FER: variants seen among roughly 807,000 people sequenced by gnomAD.
The protein encoded by FER is tyrosine-protein kinase Fer.
FER carries 63 observed loss-of-function variants against 111.0 expected under a neutral mutation model. That is an observed-to-expected ratio of 0.57 (90% CI 0.46 to 0.70). FER has a LOEUF of 0.70. Among genes scored for constraint, FER ranks in the 30% least tolerant of loss-of-function variants. The probability of loss-of-function intolerance (pLI) is 0.00; values close to 1 mark genes in which losing one functional copy is unlikely to be tolerated. For synonymous variants in FER, 327 were observed against 313.9 expected (o/e 1.04, Z -0.44); for missense variants, 914 against 954.0 (o/e 0.96, Z 0.55).
At chr5:109,057,610 C>T (rs1227831532) in intron 16 of FER, among the ~76,000 whole-genome samples, 7 of 152,116 alleles carry the variant, frequency 4.6e-5, no homozygotes, top group African/African-American at 9.7e-5. Flanking sequence ...CTCAGCCTCC[C>T]GGAATTTGGT....
intron 17 of FER, among the ~76,000 whole-genome samples, chr5:109,113,199 G>A (rs983458352): frequency 3.3e-5 from 5 of 152,066 alleles, no homozygotes; most frequent in Admixed American, 6.6e-5. Context: ...ATATGAGGAG[G>A]GCTTGTTAAG....
intron 18 of FER, among the ~76,000 whole-genome samples, chr5:109,185,481 A>G (rs1169247353): frequency 1.3e-5 from 2 of 152,230 alleles, no homozygotes; most frequent in Non-Finnish European, 2.9e-5. Flanking sequence ...AAAGAAAACG[A>G]AGTAGGCGTA....
intron 8 of FER, among the ~76,000 whole-genome samples, chr5:108,875,793 A>C (rs971847552): frequency 1.3e-5 from 2 of 152,140 alleles, no homozygotes; most frequent in Non-Finnish European, 2.9e-5. Context: ...AGAAATTTTG[A>C]TTAATTTTAA....
intron 13 of FER, among the ~76,000 whole-genome samples, chr5:108,993,421 C>G (rs1222198982): frequency 6.6e-6 from 1 of 152,114 alleles, no homozygotes; most frequent in Non-Finnish European, 1.5e-5. Flanking sequence ...CGCCTGCAAT[C>G]GCAGGCACTC....
chr5:108,969,297 G>A (rs1760311507), intron 13 of FER, among the ~76,000 whole-genome samples: 1 of 152,232 alleles, frequency 6.6e-6, no homozygotes, highest in African/African-American at 2.4e-5. Context: ...ACCATTAGGG[G>A]CTAGTTAAAT....
intron 17 of FER, among the ~76,000 whole-genome samples, chr5:109,118,918 G>A (rs570747947): frequency 7.3e-5 from 11 of 150,320 alleles, no homozygotes; most frequent in South Asian, 2.1e-4. Flanking sequence ...TCTTGCTAGC[G>A]GTCTATCAAT....
In FER at chr5:108,900,824, T is replaced by C. The variant is rs539533627; in HGVS notation, c.1236+2976T>C. ...GGTTGGGGTTGTATAGTCAAGTTCT[T>C]AGTGTTTGATGTTTATTTTGTCTTA... On this transcript the variant is annotated intron_variant, in intron 10 of 19. Transcript: ENST00000281092. 3.3e-5 allele frequency among the ~76,000 whole-genome samples: 5 copies of C among 152,300 alleles called. No individual in the cohort carries two copies. The East Asian group carries it at 9.6e-4, about 29-fold the overall frequency.
At chr5:109,051,715 G>C (rs570190184) in intron 16 of FER, 1 of 1,565,674 alleles carries the variant, frequency 6.4e-7, no homozygotes. Flanking sequence ...GCCAGTGGTC[G>C]CATGGTAAGG....
intron 10 of FER, among the ~76,000 whole-genome samples, chr5:108,914,993 A>T (rs1462826710): frequency 6.6e-6 from 1 of 152,210 alleles, no homozygotes; most frequent in Admixed American, 6.5e-5. Flanking sequence ...TGGGTTAGGC[A>T]TGTAACTTGG....
intron 16 of FER, among the ~76,000 whole-genome samples, chr5:109,059,382 G>A (rs1010262331): frequency 6.7e-6 from 1 of 149,822 alleles, no homozygotes; most frequent in Admixed American, 6.6e-5. Flanking sequence ...AAAAAAATTA[G>A]CTGGGTGTGG....
chr5:108,939,201 T>C (rs1337877574), intron 10 of FER, among the ~76,000 whole-genome samples: 2 of 113,542 alleles, frequency 1.8e-5, no homozygotes, highest in Non-Finnish European at 4.0e-5. Flanking sequence ...GTGTTTAGTT[T>C]ATAAAGAATT....
chr5:108,783,622 C>A (rs1007236376), intron 2 of FER, among the ~76,000 whole-genome samples: 1 of 152,154 alleles, frequency 6.6e-6, no homozygotes, highest in Non-Finnish European at 1.5e-5. Flanking sequence ...GTTTATCATG[C>A]AGGTCTTAGC....
chr5:109,056,945 T>G lies in FER; in HGVS notation c.1924+9747T>G, dbSNP rs532448069. Among the ~76,000 whole-genome samples, 8 of 152,308 alleles carry G rather than the reference T, an allele frequency of 5.3e-5. No individual in the cohort carries two copies. The South Asian group carries it at 1.2e-3, about 24-fold the overall frequency. On this transcript the variant is annotated intron_variant, in intron 16 of 19. Transcript: ENST00000281092. ...TGCATTTCCATATTAATTTTAGTAT[T>G]AGTTTTTCAGTTTCTATAGAAAGGC... is the stretch of plus-strand genomic sequence containing the variant.
intron 10 of FER, among the ~76,000 whole-genome samples, chr5:108,945,882 C>T (rs998140043): frequency 2.0e-5 from 3 of 151,902 alleles, no homozygotes; most frequent in African/African-American, 7.2e-5. Context: ...ATATGAATTG[C>T]TATATGAATT....
At chr5:108,959,368 T>C (rs768105685) in intron 13 of FER, 21 bp downstream of exon 13, 6 of 1,568,306 alleles carry the variant, frequency 3.8e-6, no homozygotes, top group Non-Finnish European at 5.2e-6. Context: ...ATATACTTTT[T>C]TGTCTGTTTG....
At chr5:108,943,667 G>A (rs912589454) in intron 10 of FER, among the ~76,000 whole-genome samples, 2 of 151,992 alleles carry the variant, frequency 1.3e-5, no homozygotes, top group Non-Finnish European at 2.9e-5. Flanking sequence ...TTCAAAACTT[G>A]ATAGGTATGA....
chr5:109,130,361 A>G (rs1752227036), intron 17 of FER, among the ~76,000 whole-genome samples: 1 of 152,074 alleles, frequency 6.6e-6, no homozygotes, highest in Non-Finnish European at 1.5e-5. Context: ...GTACTACACT[A>G]TCATAACACT....
chr5:108,952,644 A>G (rs3797821), intron 11 of FER, among the ~76,000 whole-genome samples: 19,366 of 151,876 alleles, frequency 0.13, 1,707 homozygotes, highest in African/African-American at 0.25. Flanking sequence ...AGATAGCAAT[A>G]TAAGTTCCTT....
intron 17 of FER, among the ~76,000 whole-genome samples, chr5:109,150,013 C>A (rs569575646): frequency 6.6e-6 from 1 of 152,172 alleles, no homozygotes; most frequent in East Asian, 1.9e-4. Flanking sequence ...ATCTAGGTTG[C>A]GCACTCCTTA....
Sources: gnomAD v4.1 joint callset for allele counts (sites outside exome capture counted in the v4.1 genomes callset) on GRCh38, gnomAD v4.1.1 for gene constraint, MANE v1.5 for transcripts, NCBI Gene and HGNC (gene_info 2026-07-23, HGNC 2026-07-21) for gene names.